GAS2: variants seen among roughly 807,000 people sequenced by gnomAD.
The protein encoded by GAS2 is growth arrest-specific protein 2.
In GAS2, 20 loss-of-function variants were observed where a neutral mutation model predicts 37.5. The ratio of observed to expected loss-of-function variants is 0.53; its 90% confidence interval spans 0.37 to 0.77. The LOEUF (loss-of-function observed/expected upper bound fraction) is 0.77, where lower values mean the gene tolerates loss of function less well. GAS2 is among the 30% of genes least tolerant of loss of function. GAS2 has a pLI of 0.00. For missense variants in GAS2, 336 were observed against 373.4 expected, an observed-to-expected ratio of 0.90 and a Z score of 0.82; for synonymous variants, 144 against 132.2, an observed-to-expected ratio of 1.09 and a Z score of -0.61.
intron 2 of GAS2, among the ~76,000 whole-genome samples, chr11:22,682,290 A>G (rs1032795196): frequency 7.8e-6 from 1 of 128,614 alleles, no homozygotes; most frequent in African/African-American, 3.5e-5. Context: ...TTTTTAATGA[A>G]AGCCATTTTT....
At chr11:22,669,340 A>T (rs1247250981) in intron 1 of GAS2, among the ~76,000 whole-genome samples, 4 of 152,194 alleles carry the variant, frequency 2.6e-5, no homozygotes, top group African/African-American at 9.6e-5. Context: ...AGGGGTTAAA[A>T]AAACCTATGC....
intron 1 of GAS2, among the ~76,000 whole-genome samples, chr11:22,637,285 T>C: frequency 9.3e-6 from 1 of 107,848 alleles, no homozygotes; most frequent in South Asian, 3.0e-4. Context: ...AATAGTATAC[T>C]AATATAATAT....
intron 3 of GAS2, among the ~76,000 whole-genome samples, chr11:22,705,906 G>T (rs934259109): frequency 1.3e-5 from 2 of 152,186 alleles, no homozygotes; most frequent in Admixed American, 1.3e-4. Context: ...TTATTCTGAA[G>T]CAGAATGGGA....
At chr11:22,796,514 G>T (rs1297057938) in intron 7 of GAS2, among the ~76,000 whole-genome samples, 1 of 151,978 alleles carries the variant, frequency 6.6e-6, no homozygotes, top group African/African-American at 2.4e-5. Flanking sequence ...TTTGAGTAGG[G>T]TTTTAAAAGG....
intron 3 of GAS2, among the ~76,000 whole-genome samples, chr11:22,711,370 G>T (rs1265599235): frequency 6.6e-6 from 1 of 152,188 alleles, no homozygotes; most frequent in Non-Finnish European, 1.5e-5. Flanking sequence ...ATCTCACAGA[G>T]GTCCTTGGGG....
At position 22,812,881 on chromosome 11, in the gene GAS2, A is replaced by T; in HGVS notation, c.*865A>T. 6.6e-6 allele frequency: 1 copy of T among 152,598 alleles called. No individual in the cohort carries two copies. Among genetic ancestry groups the T allele is most frequent in the Non-Finnish European group, 1.5e-5 (1 of 68,020 alleles). The allele number at this position is 152,598 out of a possible 1,614,324, so 9.5% of individuals were successfully genotyped here. A position where few individuals can be genotyped will look rare whatever the true frequency, so the allele number is the denominator to read the frequency against. ...TAGTAAAGTAAATTCACTGTAGCTAATGATGTTACAGACTTACGTATACCC... is the reference window on the plus strand; with the variant it reads ...TAGTAAAGTAAATTCACTGTAGCTATTGATGTTACAGACTTACGTATACCC... On this transcript the variant is annotated 3_prime_UTR_variant, in exon 8 of 8. Transcript: ENST00000454584.
chr11:22,812,075 A>G lies in GAS2; in HGVS notation c.*59A>G. ...TGGCCTGTATCCACTTCTCCAGTATAGTCAGTTTAGTTCATATGTTCTGAA... is the reference window on the plus strand; with the variant it reads ...TGGCCTGTATCCACTTCTCCAGTATGGTCAGTTTAGTTCATATGTTCTGAA... On this transcript the variant is annotated 3_prime_UTR_variant, in exon 8 of 8. Transcript: ENST00000454584. 1 of 1,221,086 alleles carries G rather than the reference A, an allele frequency of 8.2e-7. No individual in the cohort carries two copies. Among genetic ancestry groups the G allele is most frequent in the South Asian group, 1.2e-5 (1 of 81,244 alleles). 75.6% of individuals were successfully genotyped at this position (1,221,086 alleles called of 1,614,324 possible). A position where few individuals can be genotyped will look rare whatever the true frequency, so the allele number is the denominator to read the frequency against.
intron 1 of GAS2, among the ~76,000 whole-genome samples, chr11:22,641,280 A>G (rs907166464): frequency 8.3e-6 from 1 of 121,016 alleles, no homozygotes; most frequent in Non-Finnish European, 1.6e-5. Context: ...CTTTATATAT[A>G]TCTATATCTT....
upstream of GAS2, chr11:22,666,471 TAG>T (rs1848987191): frequency 6.6e-6 from 1 of 152,150 alleles, no homozygotes; most frequent in South Asian, 2.1e-4. Context: ...TTTTCTCTCT[TAG>T]GTTAGTGTCT....
intron 1 of GAS2, among the ~76,000 whole-genome samples, chr11:22,673,418 A>G (rs773714386): frequency 2.6e-5 from 4 of 152,246 alleles, no homozygotes; most frequent in African/African-American, 9.6e-5. Context: ...ACCTCATGAT[A>G]TCATATAAAC....
chr11:22,641,023 G>A (rs568985949), intron 1 of GAS2, among the ~76,000 whole-genome samples: 107 of 151,288 alleles, frequency 7.1e-4, no homozygotes, highest in Admixed American at 3.7e-3. Flanking sequence ...CCTCCTCTGC[G>A]CAGAGGAGTG....
At chr11:22,794,648 C>T (rs1856342311) in intron 7 of GAS2, among the ~76,000 whole-genome samples, 1 of 152,070 alleles carries the variant, frequency 6.6e-6, no homozygotes, top group East Asian at 1.9e-4. Context: ...TTATAGTGCA[C>T]CATGATTACT....
At chr11:22,712,361 G>C (rs1038554675) in intron 3 of GAS2, among the ~76,000 whole-genome samples, 1 of 152,182 alleles carries the variant, frequency 6.6e-6, no homozygotes, top group African/African-American at 2.4e-5. Flanking sequence ...CCTGAAGATA[G>C]ACTGCATCAC....
At chr11:22,767,985 C>T (rs995992581) in intron 7 of GAS2, among the ~76,000 whole-genome samples, 1 of 152,164 alleles carries the variant, frequency 6.6e-6, no homozygotes, top group African/African-American at 2.4e-5. Context: ...CTGGACCCAG[C>T]AGGCACCTCC....
At chr11:22,678,031 A>G (rs1849514028) in intron 2 of GAS2, among the ~76,000 whole-genome samples, 1 of 152,174 alleles carries the variant, frequency 6.6e-6, no homozygotes. Context: ...AATGCAATTG[A>G]TGGTTTATGA....
In GAS2 at chr11:22,630,051, A is replaced by G. The variant is rs190617064; in HGVS notation, c.-21+4238A>G. ...AGGGCTATCCAGTTTTCCTCACACCATTTTTTTTTATTATACTGTAAGCTC... is the reference window on the plus strand; with the variant it reads ...AGGGCTATCCAGTTTTCCTCACACCGTTTTTTTTTATTATACTGTAAGCTC... On this transcript the variant is annotated intron_variant, in intron 1 of 5. Coordinates refer to the GAS2 transcript ENST00000528582. 1.2e-3 allele frequency among the ~76,000 whole-genome samples: 174 copies of G among 151,132 alleles called. 2 individuals are homozygous for G. The highest frequency in any genetic ancestry group is 6.9e-3 in the Middle Eastern group (2 of 288).
intron 5 of GAS2, among the ~76,000 whole-genome samples, chr11:22,746,799 T>TGGGTA (rs1479540851): frequency 6.6e-6 from 1 of 152,126 alleles, no homozygotes; most frequent in African/African-American, 2.4e-5. Context: ...AACCTCAACA[T>TGGGTA]TATGCAATAT....
At chr11:22,809,461 G>A (rs1233601526) in intron 7 of GAS2, among the ~76,000 whole-genome samples, 2 of 151,830 alleles carry the variant, frequency 1.3e-5, no homozygotes, top group East Asian at 3.9e-4. Flanking sequence ...ACAAGGGAGG[G>A]TCAATTTCCA....
At chr11:22,653,173 C>T (rs371346781) in intron 1 of GAS2, among the ~76,000 whole-genome samples, 2 of 151,244 alleles carry the variant, frequency 1.3e-5, no homozygotes, top group Non-Finnish European at 2.9e-5. Context: ...CTTCCCCTTA[C>T]GTACACTCAT....
Sources: allele counts gnomAD v4.1 joint callset (sites outside exome capture counted in the v4.1 genomes callset), GRCh38; gene constraint gnomAD v4.1.1; transcripts MANE v1.5; gene names NCBI Gene and HGNC (gene_info 2026-07-23, HGNC 2026-07-21).